Variants in DIXDC1 observed in about 807,000 individuals in gnomAD.
DIXDC1 encodes dixin.
A neutral mutation model predicts 103.1 loss-of-function variants in DIXDC1; 64 were observed. The ratio of observed to expected loss-of-function variants is 0.62; its 90% CI spans 0.51 to 0.76. The LOEUF (loss-of-function observed/expected upper bound fraction) is 0.76, where lower values mean the gene tolerates loss of function less well. DIXDC1 is among the 30% of genes least tolerant of loss of function. The pLI, the probability that DIXDC1 is intolerant of heterozygous loss-of-function variation, is 0.00. For synonymous variants in DIXDC1, 266 were observed against 298.5 expected, an observed-to-expected ratio of 0.89 and a Z score of 1.12; for missense variants, 759 against 834.2, an observed-to-expected ratio of 0.91 and a Z score of 1.11.
intron 11 of DIXDC1, among the ~76,000 whole-genome samples, chr11:111,992,738 A>T (rs587594807): frequency 6.6e-6 from 1 of 152,350 alleles, no homozygotes; most frequent in East Asian, 1.9e-4. Context: ...CTCCTCTTCA[A>T]CTTTGAGGAC....
At chr11:112,013,333 G>GGGGGT (rs1861488936) in intron 17 of DIXDC1, among the ~76,000 whole-genome samples, 1 of 94,656 alleles carries the variant, frequency 1.1e-5, no homozygotes, top group African/African-American at 4.8e-5. Flanking sequence ...GGGGTGGGGT[G>GGGGGT]GGGGGGGGGA....
rs1555178363 is a variant in DIXDC1 at position 112,020,896 on chromosome 11, GA to G, written c.*1866del. On this transcript the variant is annotated 3_prime_UTR_variant, in exon 20 of 20. Coordinates refer to ENST00000440460, the MANE Select transcript of DIXDC1 (RefSeq NM_001037954.4). ...GAATGCATTTCGAAAGCAAACAGAA[GA>G]AAAAAGTATATTCTCACAGTTTTTC... 1 of 152,152 alleles carries G rather than the reference GA, an allele frequency of 6.6e-6. No homozygotes were observed. Among genetic ancestry groups the G allele is most frequent in the African/African-American group, 2.4e-5 (1 of 41,442 alleles). The allele number at this position is 152,152 out of a possible 1,614,324, so 9.4% of individuals were successfully genotyped here. A position where few individuals can be genotyped will look rare whatever the true frequency, so the allele number is the denominator to read the frequency against.
exon 1 of DIXDC1, chr11:111,927,350 A>G (rs1275839397): frequency 8.5e-5 from 13 of 152,526 alleles, no homozygotes; most frequent in Admixed American, 6.5e-4. Flanking sequence ...AGGGCTGGGG[A>G]CAGAGATGCT....
At chr11:111,955,987 TACACACACAC>T (rs71461600) in intron 1 of DIXDC1, among the ~76,000 whole-genome samples, 30 of 142,622 alleles carry the variant, frequency 2.1e-4, no homozygotes, top group African/African-American at 5.2e-4. Context: ...TATATATGTG[TACACACACAC>T]ACACACACAC....
chr11:111,933,317 G>A (rs1395599855), upstream of DIXDC1, among the ~76,000 whole-genome samples: 1 of 152,104 alleles, frequency 6.6e-6, no homozygotes, highest in Non-Finnish European at 1.5e-5. Context: ...TAGTAGGGAG[G>A]GGGTTTCTCC....
intron 10 of DIXDC1, among the ~76,000 whole-genome samples, chr11:111,991,046 A>G (rs1860697158): frequency 6.6e-6 from 1 of 152,186 alleles, no homozygotes; most frequent in Non-Finnish European, 1.5e-5. Context: ...ATATCTGTGC[A>G]ATAATACCTA....
intron 3 of DIXDC1, among the ~76,000 whole-genome samples, chr11:111,972,143 AC>A (rs781867039): frequency 2.9e-4 from 44 of 152,350 alleles, no homozygotes; most frequent in African/African-American, 7.9e-4. Flanking sequence ...AAGAAAAAAA[AC>A]AAACACAAAT....
At chr11:111,944,791 G>A (rs1555169205) in intron 1 of DIXDC1, among the ~76,000 whole-genome samples, 1 of 152,122 alleles carries the variant, frequency 6.6e-6, no homozygotes, top group African/African-American at 2.4e-5. Flanking sequence ...CTCTTGTTAT[G>A]TCTACTGACT....
chr11:112,022,534 A>T lies in DIXDC1; in HGVS notation c.*3498A>T, dbSNP rs782078224. On this transcript the variant is annotated 3_prime_UTR_variant, in exon 20 of 20. Transcript: ENST00000440460. This position sits in a 1 kb window ranked among gnomAD's most constrained non-coding sequence, Gnocchi z 4.9. ...CTGCCGGTATGTACCAGATTTGTGA[A>T]CTAATTTAAAAAACCACAAACTATG... 4.6e-5 allele frequency: 7 copies of T among 152,772 alleles called. No homozygotes were observed. In the East Asian group the frequency reaches 1.3e-3, roughly 29 times the overall value. 9.5% of individuals were successfully genotyped at this position (152,772 alleles called of 1,614,324 possible).
chr11:111,986,993 G>A (rs1057118886), intron 9 of DIXDC1, 69 bp downstream of exon 9: 21 of 1,339,428 alleles, frequency 1.6e-5, no homozygotes, highest in Admixed American at 2.1e-5. Flanking sequence ...GCTCGCGCCT[G>A]TAATCCCAGC....
At chr11:111,950,440 T>TATATATA (rs1566474109) in intron 1 of DIXDC1, among the ~76,000 whole-genome samples, 7 of 7,234 alleles carry the variant, frequency 9.7e-4, no homozygotes, top group Non-Finnish European at 1.3e-3. Flanking sequence ...ATATATATAT[T>TATATATA]TTTTTTTTTT....
chr11:112,015,283 T>A (rs1555177594), intron 17 of DIXDC1: 1 of 152,222 alleles, frequency 6.6e-6, no homozygotes, highest in Non-Finnish European at 1.5e-5. Flanking sequence ...TATTAATTCA[T>A]CCTTCATATT....
In DIXDC1 at chr11:111,972,102, G is replaced by A. The variant is rs9919541; in HGVS notation, c.317-1921G>A. Among the ~76,000 whole-genome samples, 548 of 152,102 alleles carry A rather than the reference G, an allele frequency of 3.6e-3. 2 individuals carry two copies. Among genetic ancestry groups the A allele is most frequent in the African/African-American group, 0.012 (508 of 41,476 alleles). Reference sequence around the variant, plus strand: ...ATACCTTTGTAACAAACCTGCATGTGTACCACCTGCTTCTAAAACAAAAGG... The same window carrying A: ...ATACCTTTGTAACAAACCTGCATGTATACCACCTGCTTCTAAAACAAAAGG... On this transcript the variant is annotated intron_variant, in intron 3 of 19. Transcript: ENST00000440460.
chr11:111,974,820 G>A (rs1341904881), intron 4 of DIXDC1, 56 bp from the exon 5 acceptor site: 1 of 1,586,720 alleles, frequency 6.3e-7, no homozygotes, highest in Non-Finnish European at 8.6e-7. Context: ...TACTTGTTGA[G>A]TTGATCTGAT....
chr11:111,953,508 C>T lies in DIXDC1; in HGVS notation c.61-11041C>T, dbSNP rs376284334. Reference sequence around the variant, plus strand: ...AAAAAATTAGCCAGGCATGGTGGCACGTGCCTGTAATCCCAGCTACTCAGG... The same window carrying T: ...AAAAAATTAGCCAGGCATGGTGGCATGTGCCTGTAATCCCAGCTACTCAGG... On this transcript the variant is annotated intron_variant, in intron 1 of 19. Transcript: ENST00000440460. 5.5e-4 allele frequency among the ~76,000 whole-genome samples: 84 copies of T among 152,094 alleles called. No homozygotes were observed. The East Asian group carries it at 0.013, about 23-fold the overall frequency.
chr11:111,999,494 C>T (rs150864502), intron 17 of DIXDC1, among the ~76,000 whole-genome samples: 1 of 152,146 alleles, frequency 6.6e-6, no homozygotes, highest in South Asian at 2.1e-4. Flanking sequence ...TAGAAGAAAA[C>T]ATAGAGAAAA....
At chr11:111,975,944 ACTT>A in intron 5 of DIXDC1, 1 of 928,404 alleles carries the variant, frequency 1.1e-6, no homozygotes, top group African/African-American at 1.8e-5. Context: ...GCTCTTTCTT[ACTT>A]ATAAAATTCA....
At chr11:111,995,135 C>T in intron 15 of DIXDC1, 27 bp downstream of exon 15, 2 of 1,604,650 alleles carry the variant, frequency 1.2e-6, no homozygotes, top group Non-Finnish European at 1.7e-6. Context: ...TTGATGGAGT[C>T]CTGCCACTTC....
At chr11:111,992,904 T>C (rs782710280) in intron 11 of DIXDC1, 47 bp from the exon 12 acceptor site, 2 of 1,561,504 alleles carry the variant, frequency 1.3e-6, no homozygotes, top group Admixed American at 3.8e-5. Context: ...TCCTTGAGGG[T>C]TAGCAGGCAG....
Sources: allele counts gnomAD v4.1 joint callset (sites outside exome capture counted in the v4.1 genomes callset), GRCh38; gene constraint gnomAD v4.1.1; non-coding constraint Gnocchi (gnomAD v3.1); transcripts MANE v1.5; gene names NCBI Gene and HGNC (gene_info 2026-07-23, HGNC 2026-07-21).